The following MTR variants were observed in gnomAD, a reference collection of about 807,000 sequenced individuals.
MTR encodes the protein methionine synthase.
MTR carries 84 observed loss-of-function variants against 154.8 expected under a neutral mutation model. That is an observed-to-expected ratio of 0.54 (90% CI 0.45 to 0.65). The LOEUF (loss-of-function observed/expected upper bound fraction) is 0.65, where lower values mean the gene tolerates loss of function less well. MTR is among the 30% of genes least tolerant of loss of function. The pLI, the probability that MTR is intolerant of heterozygous loss-of-function variation, is 0.00. For synonymous variants in MTR, 554 were observed against 553.9 expected (o/e 1.00, Z 0.00); for missense variants, 1,275 against 1,570.2 (o/e 0.81, Z 3.18).
chr1:236,875,544 C>G (rs1340469618), intron 24 of MTR, among the ~76,000 whole-genome samples: 1 of 152,210 alleles, frequency 6.6e-6, no homozygotes, highest in African/African-American at 2.4e-5. Context: ...GTACAGTTCA[C>G]TTTCTCAGCA....
Position 236,873,844 on chromosome 1 carries a change from C to T in MTR, c.2473+4C>T. 1 of 1,613,402 alleles carries T rather than the reference C, an allele frequency of 6.2e-7. No homozygotes were observed. Among genetic ancestry groups the T allele is most frequent in the Non-Finnish European group, 8.5e-7 (1 of 1,179,318 alleles). On this transcript the variant is annotated splice_donor_region_variant and intron_variant, in intron 23 of 32. Coordinates refer to ENST00000366577, the MANE Select transcript of MTR (RefSeq NM_000254.3). ...GCTGCTCTTGACCACAAAGCAGGTA[C>T]TGTGCAACTATACTTTGGGCATTTC...
In MTR at chr1:236,902,380, C is replaced by G. The variant is rs1334608653; in HGVS notation, c.*4736C>G. 6.6e-6 allele frequency: 1 copy of G among 151,354 alleles called. No homozygotes were observed. Among genetic ancestry groups the G allele is most frequent in the Non-Finnish European group, 1.5e-5 (1 of 67,866 alleles). The allele number at this position is 151,354 out of a possible 1,614,324, so 9.4% of individuals were successfully genotyped here. A position where few individuals can be genotyped will look rare whatever the true frequency, so the allele number is the denominator to read the frequency against. Reference sequence around the variant, plus strand: ...GTAACACCGCCATGCACATTTCATACAGCCCTTGCTGAAACTTCATCTAGT... The same window carrying G: ...GTAACACCGCCATGCACATTTCATAGAGCCCTTGCTGAAACTTCATCTAGT... On this transcript the variant is annotated 3_prime_UTR_variant, in exon 33 of 33. Coordinates refer to ENST00000366577, the MANE Select transcript of MTR (RefSeq NM_000254.3).
chr1:236,866,279 T>G (rs1278785584), intron 22 of MTR, among the ~76,000 whole-genome samples: 5 of 152,184 alleles, frequency 3.3e-5, no homozygotes, highest in Admixed American at 2.6e-4. Flanking sequence ...ACCTTATTAT[T>G]GTATCTGTTA....
intron 19 of MTR, 123 bp downstream of exon 19, chr1:236,860,045 G>T: frequency 1.6e-6 from 1 of 615,274 alleles, no homozygotes. Flanking sequence ...AACCTGGGGA[G>T]GTCCCTCTTG....
chr1:236,833,763 G>A (rs769197969), intron 13 of MTR, among the ~76,000 whole-genome samples: 3 of 152,178 alleles, frequency 2.0e-5, no homozygotes, highest in African/African-American at 4.8e-5. Flanking sequence ...TCATCTCTCT[G>A]AGCTTGTTTG....
At chr1:236,879,849 C>T (rs999232001) in intron 24 of MTR, among the ~76,000 whole-genome samples, 1 of 152,018 alleles carries the variant, frequency 6.6e-6, no homozygotes, top group Admixed American at 6.6e-5. Context: ...TGAACCAATC[C>T]TAAATATTAA....
chr1:236,808,410 A>ATTTT (rs1283367558), intron 3 of MTR, among the ~76,000 whole-genome samples: 21 of 152,212 alleles, frequency 1.4e-4, no homozygotes, highest in African/African-American at 4.6e-4. Context: ...CAGAATATTT[A>ATTTT]ACTACGTAAG....
chr1:236,852,386 A>G (rs1663957635), intron 16 of MTR, 135 bp from the exon 17 acceptor site: 10 of 727,754 alleles, frequency 1.4e-5, no homozygotes, highest in South Asian at 4.7e-5. Context: ...TCTAGTAACA[A>G]GAAGCTCTGA....
At chr1:236,829,744 T>C (rs568943435) in intron 12 of MTR, among the ~76,000 whole-genome samples, 5 of 152,360 alleles carry the variant, frequency 3.3e-5, no homozygotes, top group African/African-American at 1.2e-4. Context: ...ACTTGTGGTA[T>C]GTATTTTCTC....
chr1:236,865,453 T>G (rs1664772453), intron 22 of MTR, among the ~76,000 whole-genome samples: 1 of 152,242 alleles, frequency 6.6e-6, no homozygotes, highest in African/African-American at 2.4e-5. Flanking sequence ...CAGGCTAGTA[T>G]GCTTGAAGGA....
intron 29 of MTR, among the ~76,000 whole-genome samples, chr1:236,893,002 G>T (rs1405281629): frequency 1.3e-5 from 2 of 152,136 alleles, no homozygotes; most frequent in African/African-American, 4.8e-5. Flanking sequence ...CTCAGGAGGG[G>T]CTTTCCTCCA....
rs1666910937 is a variant in MTR at position 236,901,379 on chromosome 1, A to C, written c.*3735A>C. 1 of 152,258 alleles carries C rather than the reference A, an allele frequency of 6.6e-6. No individual in the cohort carries two copies. The highest frequency in any genetic ancestry group is 1.5e-5 in the Non-Finnish European group (1 of 68,088). 9.4% of individuals were successfully genotyped at this position (152,258 alleles called of 1,614,324 possible). ...AGGATTGAGAGTGTTTCAGACAGAA[A>C]AAGGATTATATGCTGAGGGTAAAGC... On this transcript the variant is annotated 3_prime_UTR_variant, in exon 33 of 33. Coordinates refer to ENST00000366577, the MANE Select transcript of MTR (RefSeq NM_000254.3).
intron 3 of MTR, 45 bp downstream of exon 3, chr1:236,806,278 T>A (rs767967845): frequency 6.8e-7 from 1 of 1,480,004 alleles, no homozygotes; most frequent in Non-Finnish European, 9.5e-7. Flanking sequence ...TTACGAGCGT[T>A]TGCTGCATTG....
chr1:236,881,205 ACAAACT>A (rs1430595243), intron 25 of MTR, among the ~76,000 whole-genome samples: 3 of 152,184 alleles, frequency 2.0e-5, no homozygotes, highest in Non-Finnish European at 4.4e-5. Context: ...AGATAGAAAA[ACAAACT>A]CAAAAGTGTC....
intron 8 of MTR, among the ~76,000 whole-genome samples, chr1:236,817,213 A>G (rs1661643963): frequency 6.6e-6 from 1 of 151,714 alleles, no homozygotes. Flanking sequence ...CTGAGTATAT[A>G]TGCTGTTTTT....
At chr1:236,839,139 T>C (rs1411379884) in intron 15 of MTR, among the ~76,000 whole-genome samples, 2 of 152,226 alleles carry the variant, frequency 1.3e-5, no homozygotes, top group African/African-American at 4.8e-5. Context: ...TATAGTAAAG[T>C]CTTTGCATTC....
rs1572330639 is a variant in MTR at position 236,884,782 on chromosome 1, C to T, written c.2677-339C>T. On this transcript the variant is annotated intron_variant, in intron 25 of 32. Transcript: ENST00000366577. Reference sequence around the variant, plus strand: ...TCAAACATAAGCATGAGCGAAGGTCCCCCACCATAAATCAGACTGTTAGCA... The same window carrying T: ...TCAAACATAAGCATGAGCGAAGGTCTCCCACCATAAATCAGACTGTTAGCA... Among the ~76,000 whole-genome samples, 5 of 151,994 alleles carry T rather than the reference C, an allele frequency of 3.3e-5. No individual in the cohort carries two copies. In the South Asian group the frequency reaches 1.0e-3, roughly 32 times the overall value.
rs1572277502 is a variant in MTR at position 236,859,494 on chromosome 1, T to G, written c.1954-339T>G. 5.9e-5 allele frequency among the ~76,000 whole-genome samples: 9 copies of G among 152,326 alleles called. 1 individual carries two copies. The South Asian group carries it at 1.9e-3, about 32-fold the overall frequency. On this transcript the variant is annotated intron_variant, in intron 18 of 32. Coordinates refer to ENST00000366577, the MANE Select transcript of MTR (RefSeq NM_000254.3). Reference sequence around the variant, plus strand: ...TGTTTTTGGGTACTGGTGATCCTTGTTGAGAGCTTTGAAGGCTCATTGGGT... The same window carrying G: ...TGTTTTTGGGTACTGGTGATCCTTGGTGAGAGCTTTGAAGGCTCATTGGGT...
chr1:236,824,265 A>G (rs748350186), intron 9 of MTR, 46 bp downstream of exon 9: 1 of 1,428,076 alleles, frequency 7.0e-7, no homozygotes, highest in South Asian at 1.1e-5. Flanking sequence ...AAAATAACAT[A>G]AGACATGGCA....
Sources: allele counts gnomAD v4.1 joint callset (sites outside exome capture counted in the v4.1 genomes callset), GRCh38; gene constraint gnomAD v4.1.1; transcripts MANE v1.5; gene names NCBI Gene and HGNC (gene_info 2026-07-23, HGNC 2026-07-21).